The following GNB1 variants were observed in gnomAD, a reference collection of about 807,000 sequenced individuals.
The protein encoded by GNB1 is G protein subunit beta 1, also known as guanine nucleotide-binding protein G(I)/G(S)/G(T) subunit beta-1.
In GNB1, 2 loss-of-function variants were observed where a neutral mutation model predicts 42.9. The observed-to-expected ratio is 0.05, with a 90% confidence interval of 0.02 to 0.15. The LOEUF is 0.15. Ranked by LOEUF, GNB1 falls within the 10% of genes least tolerant of loss-of-function variation. The probability of loss-of-function intolerance (pLI) is 1.00; values close to 1 mark genes in which losing one functional copy is unlikely to be tolerated. For missense variants in GNB1, 193 were observed against 462.2 expected, an observed-to-expected ratio of 0.42 and a Z score of 5.34; for synonymous variants, 183 against 174.7, an observed-to-expected ratio of 1.05 and a Z score of -0.38.
intron 1 of GNB1, among the ~76,000 whole-genome samples, chr1:1,881,018 T>G (rs1350768031): frequency 2.6e-5 from 4 of 151,170 alleles, no homozygotes; most frequent in African/African-American, 9.8e-5. Context: ...AGAGAGGGAG[T>G]GAACTGTGCA....
rs146251869 is a variant in GNB1, at chr1:1,786,279, C to T, written c.*784G>A. ...ACCCAAAGTGAGATTAAAAACTCAA[C>T]TGAGAAGATAGACAGGATGGGTCAG... is the stretch of plus-strand genomic sequence containing the variant. On this transcript the variant is annotated 3_prime_UTR_variant, in exon 12 of 12. Coordinates refer to ENST00000378609, the MANE Select transcript of GNB1 (RefSeq NM_002074.5). 28 of 386,346 alleles carry T rather than the reference C, an allele frequency of 7.2e-5. No individual in the cohort carries two copies. The East Asian group carries it at 1.0e-3, about 14-fold the overall frequency. The allele number at this position is 386,346 out of a possible 1,614,324, so 23.9% of individuals were successfully genotyped here.
Position 1,835,922 on chromosome 1 carries a change from G to GAAAAAAAAAAAAAA in GNB1, c.-47+3254_-47+3267dup, listed in dbSNP as rs59271649. The stretch of plus-strand genomic sequence containing the variant: ...CCCCGTCTTACAAGAATTAAAAAAA[G>GAAAAAAAAAAAAAA]AAAAAAAAAAAAAAAAAAAAAGCCA... On this transcript the variant is annotated intron_variant, in intron 2 of 11. Transcript: ENST00000378609. 9.7e-4 allele frequency among the ~76,000 whole-genome samples: 86 copies of GAAAAAAAAAAAAAA among 88,578 alleles called. 1 individual carries two copies. Among genetic ancestry groups the GAAAAAAAAAAAAAA allele is most frequent in the Non-Finnish European group, 1.4e-3 (70 of 49,856 alleles). 58.1% of individuals were successfully genotyped at this position (88,578 alleles called of 152,430 possible). A position where few individuals can be genotyped will look rare whatever the true frequency, so the allele number is the denominator to read the frequency against.
At chr1:1,842,408 CG>C (rs1429821237) in intron 1 of GNB1, among the ~76,000 whole-genome samples, 4 of 142,894 alleles carry the variant, frequency 2.8e-5, no homozygotes, top group Non-Finnish European at 4.5e-5. Flanking sequence ...CCAGCCTGGG[CG>C]GGGTGACAGA....
At chr1:1,888,667 A>C (rs28608797) in intron 1 of GNB1, among the ~76,000 whole-genome samples, 36,084 of 151,956 alleles carry the variant, frequency 0.24, 4,490 homozygotes, top group Non-Finnish European at 0.26. Context: ...GTGAAACCCT[A>C]TCTCTACTAA....
rs141141462 is a variant in GNB1 at position 1,859,783 on chromosome 1, G to A, written c.-95-20545C>T. On this transcript the variant is annotated intron_variant, in intron 1 of 11. Transcript: ENST00000378609. ...CAGCACTTTGGGAGGCCGAGAGGCGGGCAAATCAGGAGGTCAGGAGATCGA... is the reference window on the plus strand; with the variant it reads ...CAGCACTTTGGGAGGCCGAGAGGCGAGCAAATCAGGAGGTCAGGAGATCGA... Among the ~76,000 whole-genome samples, 1,275 of 151,798 alleles carry A rather than the reference G, an allele frequency of 8.4e-3. 21 individuals are homozygous for A. The highest frequency in any genetic ancestry group is 0.03 in the African/African-American group (1,223 of 41,394).
At chr1:1,871,397 T>C (rs758469321) in intron 1 of GNB1, among the ~76,000 whole-genome samples, 2 of 151,726 alleles carry the variant, frequency 1.3e-5, no homozygotes, top group Admixed American at 1.3e-4. Context: ...GAGGCGGAGG[T>C]TGCAGTGAGC....
At chr1:1,875,048 T>C (rs1434791528) in intron 1 of GNB1, among the ~76,000 whole-genome samples, 1 of 152,106 alleles carries the variant, frequency 6.6e-6, no homozygotes, top group Non-Finnish European at 1.5e-5. Flanking sequence ...CCTATGAGAA[T>C]CTAACACTGC....
At chr1:1,875,063 G>C (rs1303127301) in intron 1 of GNB1, among the ~76,000 whole-genome samples, 1 of 152,162 alleles carries the variant, frequency 6.6e-6, no homozygotes, top group Non-Finnish European at 1.5e-5. Flanking sequence ...CACTGCCGCT[G>C]ATCTGACAGG....
Position 1,790,895 on chromosome 1 carries a change from C to T in GNB1, c.498-299G>A, listed in dbSNP as rs141161998. 4.5e-4 allele frequency among the ~76,000 whole-genome samples: 69 copies of T among 152,254 alleles called. No individual in the cohort carries two copies. The Middle Eastern group carries it at 0.014, about 30-fold the overall frequency. ...AGCTGGGGGCACTTTTCAAGCAGCA[C>T]CACTGAGGCTGTGCCCCCTCTTTGG... On this transcript the variant is annotated intron_variant, in intron 8 of 11. Coordinates refer to ENST00000378609, the MANE Select transcript of GNB1 (RefSeq NM_002074.5). The surrounding 1 kb of genome is among the most constrained non-coding windows in gnomAD (Gnocchi z 5.4).
At chr1:1,824,931 T>A (rs1221078192) in intron 3 of GNB1, 1 of 154,288 alleles carries the variant, frequency 6.5e-6, no homozygotes, top group Non-Finnish European at 1.4e-5. Flanking sequence ...AAGCTGTAGA[T>A]TCCAATCATC....
chr1:1,811,804 G>A (rs561519515), intron 5 of GNB1, among the ~76,000 whole-genome samples: 3 of 149,966 alleles, frequency 2.0e-5, no homozygotes, highest in African/African-American at 4.9e-5. Flanking sequence ...AGTGGCTCAC[G>A]CCTGTAATCC....
intron 1 of GNB1, among the ~76,000 whole-genome samples, chr1:1,885,761 T>C (rs930642139): frequency 2.0e-5 from 3 of 150,582 alleles, no homozygotes; most frequent in African/African-American, 7.3e-5. Flanking sequence ...GGTTTCACCG[T>C]GTTAGCCAGG....
At chr1:1,843,476 G>T (rs1476846317) in intron 1 of GNB1, among the ~76,000 whole-genome samples, 1 of 152,104 alleles carries the variant, frequency 6.6e-6, no homozygotes, top group Non-Finnish European at 1.5e-5. Context: ...ATCCTTGCAG[G>T]TCGGCCTTCC....
At chr1:1,847,469 C>G (rs903912451) in intron 1 of GNB1, among the ~76,000 whole-genome samples, 1 of 152,290 alleles carries the variant, frequency 6.6e-6, no homozygotes, top group East Asian at 1.9e-4. Flanking sequence ...CTACTTACCC[C>G]CAAACACAGC....
At chr1:1,813,467 A>G (rs908421856) in intron 5 of GNB1, among the ~76,000 whole-genome samples, 17 of 152,140 alleles carry the variant, frequency 1.1e-4, no homozygotes, top group Middle Eastern at 3.2e-3. Flanking sequence ...TTGAATTCAC[A>G]AAGTATATTC....
Position 1,814,641 on chromosome 1 carries a change from A to T in GNB1, c.203+1115T>A, listed in dbSNP as rs1470425049. ...AAAGGGAGACCCTGTCTCTGTAAAA[A>T]ACCAAAAAATATTAGCCAGGCATGG... On this transcript the variant is annotated intron_variant, in intron 5 of 11. Transcript: ENST00000378609. Among the ~76,000 whole-genome samples the T allele has an allele frequency of 2.6e-5, 4 of 151,832 alleles. No individual in the cohort carries two copies. In the South Asian group the frequency reaches 8.3e-4, roughly 32 times the overall value.
intron 1 of GNB1, among the ~76,000 whole-genome samples, chr1:1,861,914 A>G (rs1648651343): frequency 6.6e-6 from 1 of 152,078 alleles, no homozygotes; most frequent in African/African-American, 2.4e-5. Context: ...TTAAACCTCA[A>G]GGGAGGCCGG....
chr1:1,798,583 G>T (rs1049369634), intron 7 of GNB1, among the ~76,000 whole-genome samples: 2 of 152,178 alleles, frequency 1.3e-5, no homozygotes, highest in African/African-American at 4.8e-5. Flanking sequence ...AAGGGCCGCC[G>T]TGTCTCCACT....
chr1:1,853,024 T>C (rs1311595750), intron 1 of GNB1, among the ~76,000 whole-genome samples: 1 of 152,096 alleles, frequency 6.6e-6, no homozygotes, highest in Admixed American at 6.6e-5. Context: ...TCAGCACCCC[T>C]TTCCTTTCCA....
Sources: allele counts gnomAD v4.1 joint callset (sites outside exome capture counted in the v4.1 genomes callset), GRCh38; gene constraint gnomAD v4.1.1; non-coding constraint Gnocchi (gnomAD v3.1); transcripts MANE v1.5; gene names NCBI Gene and HGNC (gene_info 2026-07-23, HGNC 2026-07-21).